The following YAP1 variants were observed in gnomAD, a reference collection of about 807,000 sequenced individuals.
YAP1 encodes Yes1 associated transcriptional regulator.
YAP1 carries 5 observed loss-of-function variants against 56.9 expected under a neutral mutation model. That is an observed-to-expected ratio of 0.09 (90% CI 0.05 to 0.18). The LOEUF is 0.18. YAP1 is among the 10% of genes least tolerant of loss of function. The probability of loss-of-function intolerance (pLI) is 1.00; values close to 1 mark genes in which losing one functional copy is unlikely to be tolerated. For synonymous variants in YAP1, 265 were observed against 248.1 expected (o/e 1.07, Z -0.64); for missense variants, 539 against 651.8 (o/e 0.83, Z 1.88).
chr11:102,185,354 T>C (rs1387515311), intron 3 of YAP1, among the ~76,000 whole-genome samples: 1 of 152,198 alleles, frequency 6.6e-6, no homozygotes, highest in Admixed American at 6.5e-5. Context: ...AAAGTTTGCC[T>C]TCCAACAACT....
chr11:102,149,345 G>C (rs1565459521), intron 2 of YAP1, among the ~76,000 whole-genome samples: 1 of 152,216 alleles, frequency 6.6e-6, no homozygotes, highest in Non-Finnish European at 1.5e-5. Context: ...GATGGAATAA[G>C]ATGGGTATGA....
rs1446292950 is a variant in YAP1 at position 102,231,410 on chromosome 11, A to C, written c.*1470A>C. 6.6e-6 allele frequency: 1 copy of C among 152,416 alleles called. No individual in the cohort carries two copies. The allele number at this position is 152,416 out of a possible 1,614,324, so 9.4% of individuals were successfully genotyped here. A position where few individuals can be genotyped will look rare whatever the true frequency, so the allele number is the denominator to read the frequency against. ...GTTCTTACTTACAAGACTTGCTCCT[A>C]CTTCTATGCTGAAAATTGACCCTGG... On this transcript the variant is annotated 3_prime_UTR_variant, in exon 9 of 9. Transcript: ENST00000282441.
rs1038513624 is a variant in YAP1, at chr11:102,167,473, G to A, written c.688+4902G>A. Among the ~76,000 whole-genome samples the A allele has an allele frequency of 2.6e-5, 4 of 152,174 alleles. No homozygotes were observed. In the South Asian group the frequency reaches 6.2e-4, roughly 24 times the overall value. On this transcript the variant is annotated intron_variant, in intron 3 of 8. Transcript: ENST00000282441. ...TTTATAGCTGGGTGCAGTGGCTCATGCCTGTAATCCCAGAACTTTGGGAGG... is the reference window on the plus strand; with the variant it reads ...TTTATAGCTGGGTGCAGTGGCTCATACCTGTAATCCCAGAACTTTGGGAGG...
chr11:102,151,973 G>C (rs1945683308), intron 2 of YAP1, among the ~76,000 whole-genome samples: 1 of 152,212 alleles, frequency 6.6e-6, no homozygotes, highest in Non-Finnish European at 1.5e-5. Flanking sequence ...ACTGAGGCCA[G>C]ACAACCTTAT....
chr11:102,196,342 A>AACAAAATGTGGTAT, intron 4 of YAP1, among the ~76,000 whole-genome samples: 3 of 152,354 alleles, frequency 2.0e-5, no homozygotes, highest in Admixed American at 2.0e-4. Flanking sequence ...TGAATGGGCT[A>AACAAAATGTGGTAT]ACAAAATGTG....
At chr11:102,119,599 A>C (rs1190588431) in intron 2 of YAP1, among the ~76,000 whole-genome samples, 3 of 152,026 alleles carry the variant, frequency 2.0e-5, no homozygotes, top group Non-Finnish European at 4.4e-5. Flanking sequence ...GCCATTAAAA[A>C]AAAACCCAAA....
chr11:102,141,555 C>T (rs555637504), intron 2 of YAP1, among the ~76,000 whole-genome samples: 4 of 152,262 alleles, frequency 2.6e-5, no homozygotes, highest in African/African-American at 9.6e-5. Flanking sequence ...AGACTTACTT[C>T]TGTGTTGGAA....
chr11:102,190,883 G>T (rs1187109087), intron 4 of YAP1, among the ~76,000 whole-genome samples: 4 of 152,146 alleles, frequency 2.6e-5, no homozygotes, highest in Admixed American at 2.6e-4. Flanking sequence ...GTTGCAGTGA[G>T]CTAAGATGGT....
chr11:102,123,507 T>C (rs1943816598), intron 2 of YAP1, among the ~76,000 whole-genome samples: 1 of 152,166 alleles, frequency 6.6e-6, no homozygotes, highest in African/African-American at 2.4e-5. Flanking sequence ...ACATGGGAGG[T>C]AGCTGTGTTG....
chr11:102,220,734 A>G (rs1949887301), intron 6 of YAP1, among the ~76,000 whole-genome samples: 1 of 152,192 alleles, frequency 6.6e-6, no homozygotes, highest in Non-Finnish European at 1.5e-5. Context: ...AATGTGAGAA[A>G]GTAAAATAAG....
intron 3 of YAP1, among the ~76,000 whole-genome samples, chr11:102,182,662 A>G (rs946334463): frequency 2.0e-5 from 3 of 152,144 alleles, no homozygotes; most frequent in Non-Finnish European, 4.4e-5. Context: ...GTTTCTTTTC[A>G]GTTTTCTCTA....
chr11:102,222,425 A>G (rs1256802876), intron 6 of YAP1, among the ~76,000 whole-genome samples: 1 of 152,206 alleles, frequency 6.6e-6, no homozygotes, highest in Admixed American at 6.5e-5. Context: ...ACAGAGTAGT[A>G]ATGAGTGTGC....
At position 102,110,696 on chromosome 11, in the gene YAP1, C is replaced by A; in HGVS notation, c.-153C>A. The A allele has an allele frequency of 1.7e-6, 1 of 587,636 alleles. No homozygotes were observed. Among genetic ancestry groups the A allele is most frequent in the South Asian group, 8.2e-5 (1 of 12,184 alleles). The allele number at this position is 587,636 out of a possible 1,614,324, so 36.4% of individuals were successfully genotyped here. ...AGGCGCCGGGGCGGGGGATGCGGGG[C>A]CGCGGCGCAGCCCCCCGGCCCTGAG... is the stretch of plus-strand genomic sequence containing the variant. On this transcript the variant is annotated 5_prime_UTR_variant, in exon 1 of 9. Transcript: ENST00000282441.
At position 102,186,055 on chromosome 11, in the gene YAP1, G is replaced by C; in HGVS notation, c.726G>C (p.Gln242His). 6.2e-7 allele frequency: 1 copy of C among 1,611,152 alleles called. No individual in the cohort carries two copies. Among genetic ancestry groups the C allele is most frequent in the Non-Finnish European group, 8.5e-7 (1 of 1,179,060 alleles). ...ATGGATGGGAACAAGCCATGACTCA[G>C]GATGGAGAAATTTACTATATAAACC... ...LPDGWEQAMTQDGEIYYINHK... is the reference protein window; with the variant it reads ...LPDGWEQAMTHDGEIYYINHK... The change falls in exon 4 of 9, where the codon CAG (glutamine) becomes CAC (histidine). Residue 242 changes from glutamine (Q) to histidine (H), a missense_variant. Gln to His is a conservative substitution (Grantham distance 24). Around this residue, in one of 4 missense-constraint regions of YAP1, gnomAD observed 414 missense variants for 512.4 expected, o/e 0.81. Transcript: ENST00000282441.
chr11:102,136,072 G>A (rs1481789313), intron 2 of YAP1, among the ~76,000 whole-genome samples: 2 of 152,194 alleles, frequency 1.3e-5, no homozygotes, highest in African/African-American at 4.8e-5. Context: ...CTGTGTAAGA[G>A]TGGAATTGCT....
rs1270544024 is a variant in YAP1, at chr11:102,233,368, T to C, written c.*3428T>C. ...TAAATTGTTACATTATTTTTTCTTA[T>C]GTAATACCTTTTTGTTTGTTTATGT... On this transcript the variant is annotated 3_prime_UTR_variant, in exon 9 of 9. Coordinates refer to ENST00000282441, the MANE Select transcript of YAP1 (RefSeq NM_001130145.3). The C allele has an allele frequency of 6.6e-6, 1 of 152,244 alleles. No individual in the cohort carries two copies. Among genetic ancestry groups the C allele is most frequent in the Non-Finnish European group, 1.5e-5 (1 of 68,040 alleles). The allele number at this position is 152,244 out of a possible 1,614,324, so 9.4% of individuals were successfully genotyped here.
At chr11:102,220,522 A>T (rs1383045697) in intron 6 of YAP1, among the ~76,000 whole-genome samples, 1 of 152,168 alleles carries the variant, frequency 6.6e-6, no homozygotes, top group Non-Finnish European at 1.5e-5. Context: ...ATAAAATTAT[A>T]TGTACATCAG....
At chr11:102,224,224 A>G (rs1399275164) in intron 7 of YAP1, among the ~76,000 whole-genome samples, 1 of 152,224 alleles carries the variant, frequency 6.6e-6, no homozygotes, top group Admixed American at 6.5e-5. Flanking sequence ...GATAAAATGT[A>G]AGGTTGTGCC....
At chr11:102,217,361 A>T (rs1374684146) in intron 6 of YAP1, among the ~76,000 whole-genome samples, 5 of 152,320 alleles carry the variant, frequency 3.3e-5, no homozygotes, top group African/African-American at 9.6e-5. Flanking sequence ...AGGTTTTTTT[A>T]AATTTTTAGA....
Sources: gnomAD v4.1 joint callset for allele counts (sites outside exome capture counted in the v4.1 genomes callset) on GRCh38, gnomAD v4.1.1 for gene constraint, gnomAD v4.1.1 regional missense constraint, MANE v1.5 for transcripts, NCBI Gene and HGNC (gene_info 2026-07-23, HGNC 2026-07-21) for gene names.